The following MPZL1 variants were observed in gnomAD, a reference collection of about 807,000 sequenced individuals.
MPZL1 encodes the protein myelin protein zero like 1.
A neutral mutation model predicts 29.3 loss-of-function variants in MPZL1; 16 were observed. The ratio of observed to expected loss-of-function variants is 0.55; its 90% CI spans 0.37 to 0.83. The LOEUF (loss-of-function observed/expected upper bound fraction) is 0.83. Ranked by LOEUF, MPZL1 falls within the 40% of genes least tolerant of loss-of-function variation. The pLI, the probability that MPZL1 is intolerant of heterozygous loss-of-function variation, is 0.00. For missense variants in MPZL1, 279 were observed against 332.9 expected (o/e 0.84, Z 1.26); for synonymous variants, 143 against 132.0 (o/e 1.08, Z -0.57).
intron 1 of MPZL1, among the ~76,000 whole-genome samples, chr1:167,748,574 G>C (rs1388569631): frequency 1.3e-5 from 2 of 152,210 alleles, no homozygotes; most frequent in East Asian, 3.9e-4. Context: ...TTCTGTGGAT[G>C]TCTTCTTGCT....
chr1:167,722,300 A>C, intron 1 of MPZL1, 58 bp downstream of exon 1: 1 of 1,231,936 alleles, frequency 8.1e-7, no homozygotes, highest in Middle Eastern at 2.8e-4. Context: ...GGCCCGACAC[A>C]CGCCCATCGC....
At chr1:167,732,047 T>A (rs1031970600) in intron 1 of MPZL1, among the ~76,000 whole-genome samples, 1 of 152,236 alleles carries the variant, frequency 6.6e-6, no homozygotes, top group African/African-American at 2.4e-5. Flanking sequence ...ATTGTATTTT[T>A]CACCGCAGAG....
intron 5 of MPZL1, among the ~76,000 whole-genome samples, chr1:167,779,656 A>T (rs186729565): frequency 1.3e-5 from 2 of 152,314 alleles, no homozygotes; most frequent in Non-Finnish European, 2.9e-5. Context: ...ATGTGGAAGT[A>T]AAATGTATGA....
rs111726146 is a variant in MPZL1, at chr1:167,763,708, A to T, written c.92-1875A>T. Among the ~76,000 whole-genome samples, 821 of 152,216 alleles carry T rather than the reference A, an allele frequency of 5.4e-3. 5 individuals are homozygous for T. Among genetic ancestry groups the T allele is most frequent in the Middle Eastern group, 0.017 (5 of 294 alleles). On this transcript the variant is annotated intron_variant, in intron 1 of 5. Transcript: ENST00000359523. ...GTGCTTTGTCCTTCATTTTGAACTC[A>T]AGTGCCCTGGGGCTGCTTTTCTGCG...
rs1003882584 is a variant in MPZL1, at chr1:167,773,268, G to A, written c.505G>A (p.Val169Met). The A allele has an allele frequency of 1.2e-6, 2 of 1,613,520 alleles. No individual in the cohort carries two copies. Among genetic ancestry groups the A allele is most frequent in the Middle Eastern group, 1.6e-4 (1 of 6,062 alleles). The change falls in exon 4 of 6, where the codon GTG becomes ATG. Residue 169 changes from valine to methionine, a missense_variant. Transcript: ENST00000359523. ...GCCTGTGTTTCCAGTTTGGGTAGTGGTGGGCATAGTTACTGCTGTGGTCCT... is the reference window on the plus strand; with the variant it reads ...GCCTGTGTTTCCAGTTTGGGTAGTGATGGGCATAGTTACTGCTGTGGTCCT... ...NLPVFPVWVV[V>M]GIVTAVVLGL...
chr1:167,737,035 TA>T (rs1660391190), intron 1 of MPZL1, among the ~76,000 whole-genome samples: 1 of 152,240 alleles, frequency 6.6e-6, no homozygotes, highest in South Asian at 2.1e-4. Context: ...TTTACCTGGC[TA>T]ACTCCTATTT....
chr1:167,772,203 A>G (rs1558123112), intron 2 of MPZL1, 72 bp from the exon 3 acceptor site: 19 of 1,198,814 alleles, frequency 1.6e-5, no homozygotes, highest in East Asian at 2.5e-5. Flanking sequence ...AACCTTTCAT[A>G]GCATGCACAT....
At chr1:167,738,267 T>C (rs1411763755) in intron 1 of MPZL1, among the ~76,000 whole-genome samples, 1 of 152,132 alleles carries the variant, frequency 6.6e-6, no homozygotes, top group African/African-American at 2.4e-5. Context: ...TTGATTTAAC[T>C]AAATAATCAG....
chr1:167,785,750 A>C (rs1225271088), intron 5 of MPZL1, among the ~76,000 whole-genome samples: 1 of 152,230 alleles, frequency 6.6e-6, no homozygotes, highest in African/African-American at 2.4e-5. Flanking sequence ...AATAGCTGTT[A>C]CCAGGGAACA....
intron 1 of MPZL1, among the ~76,000 whole-genome samples, chr1:167,754,883 T>G (rs757800683): frequency 2.6e-5 from 4 of 152,326 alleles, no homozygotes; most frequent in East Asian, 3.9e-4. Flanking sequence ...TTAGACTGTT[T>G]AGAGCAGTTA....
chr1:167,769,977 A>C (rs1178510068), intron 2 of MPZL1, among the ~76,000 whole-genome samples: 4 of 152,232 alleles, frequency 2.6e-5, no homozygotes, highest in African/African-American at 9.6e-5. Context: ...TGGTTTTGGA[A>C]AGAAACAGTA....
chr1:167,722,740 G>A (rs550487009), intron 1 of MPZL1, among the ~76,000 whole-genome samples: 236 of 152,302 alleles, frequency 1.5e-3, no homozygotes, highest in Non-Finnish European at 2.4e-3. Context: ...TTTGTTGTAA[G>A]TTCCCTTTCC....
chr1:167,763,379 C>T (rs1661029832), intron 1 of MPZL1, among the ~76,000 whole-genome samples: 1 of 151,516 alleles, frequency 6.6e-6, no homozygotes, highest in African/African-American at 2.4e-5. Context: ...AGCTGGGCGT[C>T]GTGGTGGGTG....
At position 167,762,890 on chromosome 1, in the gene MPZL1, A is replaced by C. The variant is rs147937629; in HGVS notation, c.92-2693A>C. Among the ~76,000 whole-genome samples, 408 of 152,298 alleles carry C rather than the reference A, an allele frequency of 2.7e-3. 1 individual carries two copies. Among genetic ancestry groups the C allele is most frequent in the Non-Finnish European group, 4.4e-3 (298 of 68,022 alleles). Reference sequence around the variant, plus strand: ...GATAGCCAGGGATGGGAGGAAGTTAATTTCTCAGTGTGTGGCATCATTTTC... The same window carrying C: ...GATAGCCAGGGATGGGAGGAAGTTACTTTCTCAGTGTGTGGCATCATTTTC... On this transcript the variant is annotated intron_variant, in intron 1 of 5. Coordinates refer to ENST00000359523, the MANE Select transcript of MPZL1 (RefSeq NM_003953.6).
intron 1 of MPZL1, among the ~76,000 whole-genome samples, chr1:167,758,673 T>C (rs1660920408): frequency 6.6e-6 from 1 of 152,246 alleles, no homozygotes. Context: ...CAAATGACTT[T>C]GCGGGCTTTT....
At chr1:167,756,727 A>T (rs909986549) in intron 1 of MPZL1, among the ~76,000 whole-genome samples, 2 of 152,012 alleles carry the variant, frequency 1.3e-5, no homozygotes, top group African/African-American at 4.8e-5. Flanking sequence ...TGATTCATTC[A>T]TTTTTCCTGA....
intron 1 of MPZL1, among the ~76,000 whole-genome samples, chr1:167,764,349 A>G (rs1404189636): frequency 1.3e-5 from 2 of 152,196 alleles, no homozygotes; most frequent in African/African-American, 4.8e-5. Context: ...CCATTTTTAT[A>G]TTCTAAGTGG....
At chr1:167,728,229 A>G (rs1281450528) in intron 1 of MPZL1, among the ~76,000 whole-genome samples, 1 of 151,512 alleles carries the variant, frequency 6.6e-6, no homozygotes, top group African/African-American at 2.4e-5. Context: ...TTTAGTAGTG[A>G]TGGAATTTTG....
intron 1 of MPZL1, among the ~76,000 whole-genome samples, chr1:167,738,140 G>A (rs918538305): frequency 2.0e-5 from 3 of 152,154 alleles, no homozygotes; most frequent in African/African-American, 7.2e-5. Flanking sequence ...TAGCTAGGAT[G>A]GTCTCAATCT....
Sources: gnomAD v4.1 joint callset for allele counts (sites outside exome capture counted in the v4.1 genomes callset) on GRCh38, gnomAD v4.1.1 for gene constraint, MANE v1.5 for transcripts, NCBI Gene and HGNC (gene_info 2026-07-23, HGNC 2026-07-21) for gene names.